The following HIVEP1 variants were observed in gnomAD, a reference collection of about 807,000 sequenced individuals.
The protein encoded by HIVEP1 is zinc finger protein 40.
HIVEP1 carries 36 observed loss-of-function variants against 180.0 expected under a neutral mutation model. The observed-to-expected ratio is 0.20, with a 90% confidence interval of 0.15 to 0.26. The LOEUF (loss-of-function observed/expected upper bound fraction) is 0.26, where lower values mean the gene tolerates loss of function less well. Ranked by LOEUF, HIVEP1 falls within the 10% of genes least tolerant of loss-of-function variation. The pLI is 1.00. For synonymous variants in HIVEP1, 1,239 were observed against 1,239.0 expected (o/e 1.00, Z 0.00); for missense variants, 3,143 against 3,268.7 (o/e 0.96, Z 0.94).
chr6:12,055,200 T>C (rs1770779988), intron 2 of HIVEP1, among the ~76,000 whole-genome samples: 1 of 152,228 alleles, frequency 6.6e-6, no homozygotes, highest in South Asian at 2.1e-4. Flanking sequence ...AATCATGATT[T>C]TCAGTGGCTC....
chr6:12,022,838 A>G (rs1229316466), intron 2 of HIVEP1, among the ~76,000 whole-genome samples: 2 of 152,206 alleles, frequency 1.3e-5, no homozygotes, highest in African/African-American at 4.8e-5. Context: ...CTGACTATTC[A>G]AAGGTTGGGA....
intron 2 of HIVEP1, among the ~76,000 whole-genome samples, chr6:12,058,920 G>T (rs746194763): frequency 6.6e-6 from 1 of 151,864 alleles, no homozygotes; most frequent in Admixed American, 6.6e-5. Flanking sequence ...TATGTGAGAC[G>T]CATAGACATA....
intron 2 of HIVEP1, among the ~76,000 whole-genome samples, chr6:12,077,606 G>A (rs1260798402): frequency 6.6e-6 from 1 of 152,236 alleles, no homozygotes; most frequent in Non-Finnish European, 1.5e-5. Context: ...TGCCAACACA[G>A]TGATGATAAG....
At chr6:12,020,890 CTTTTTTTTTT>C (rs70981658) in intron 2 of HIVEP1, among the ~76,000 whole-genome samples, 23 of 105,766 alleles carry the variant, frequency 2.2e-4, no homozygotes, top group African/African-American at 7.5e-4. Flanking sequence ...TTCTTTCTTT[CTTTTTTTTTT>C]TTTTTTTTGA....
Position 12,030,408 on chromosome 6 carries a change from A to G in HIVEP1, c.40+14740A>G, listed in dbSNP as rs921969946. On this transcript the variant is annotated intron_variant, in intron 2 of 8. Coordinates refer to ENST00000379388, the MANE Select transcript of HIVEP1 (RefSeq NM_002114.4). ...GTACCTTTCTTTTCTCTAATCACAC[A>G]TTTATTTTTATGTTTGTTGTTCCAC... 2.6e-5 allele frequency among the ~76,000 whole-genome samples: 4 copies of G among 151,996 alleles called. No homozygotes were observed. In the East Asian group the frequency reaches 7.7e-4, roughly 29 times the overall value.
intron 2 of HIVEP1, among the ~76,000 whole-genome samples, chr6:12,025,280 G>C (rs1581518950): frequency 6.6e-6 from 1 of 152,238 alleles, no homozygotes; most frequent in East Asian, 1.9e-4. Context: ...ACAGAGCTGA[G>C]GTTATTCAGG....
At chr6:12,065,816 A>C (rs1237214741) in intron 2 of HIVEP1, among the ~76,000 whole-genome samples, 1 of 152,144 alleles carries the variant, frequency 6.6e-6, no homozygotes, top group African/African-American at 2.4e-5. Context: ...TCTATGATGC[A>C]GTTAGCTTCT....
chr6:12,120,282 T>C lies in HIVEP1; in HGVS notation c.487T>C (p.Cys163Arg), dbSNP rs1775488982. 2 of 1,614,182 alleles carry C rather than the reference T, an allele frequency of 1.2e-6. No individual in the cohort carries two copies. Among genetic ancestry groups the C allele is most frequent in the Non-Finnish European group, 1.7e-6 (2 of 1,180,026 alleles). Residue 163 changes from cysteine to arginine, a missense_variant, in exon 4 of 9, where the codon TGT becomes CGT. Physicochemically the swap from Cys to Arg is radical, Grantham distance 180. Around this residue, in one of 12 missense-constraint regions of HIVEP1, gnomAD observed 306 missense variants for 310.6 expected, o/e 0.99. Coordinates refer to ENST00000379388, the MANE Select transcript of HIVEP1 (RefSeq NM_002114.4). ...PAKFSDLDEQ[C>R]DSSSLSSKTR... The stretch of plus-strand genomic sequence containing the variant: ...CAAATTCAGTGACCTCGATGAACAA[T>C]GTGACTCAAGTTCCTTGTCAAGTAA...
At chr6:12,072,085 C>CT (rs71830598) in intron 2 of HIVEP1, among the ~76,000 whole-genome samples, 31,577 of 146,646 alleles carry the variant, frequency 0.22, 3,893 homozygotes, top group Middle Eastern at 0.3. Context: ...TATTCTTCTT[C>CT]TTTTTTTTTT....
chr6:12,195,456 TA>T, the HIVEP1 span, among the ~76,000 whole-genome samples: 6 of 152,190 alleles, frequency 3.9e-5, no homozygotes, highest in Non-Finnish European at 7.3e-5. Flanking sequence ...TGTCAGCGGT[TA>T]AAAAAATTTT....
At chr6:12,024,018 A>G (rs2113613619) in intron 2 of HIVEP1, among the ~76,000 whole-genome samples, 1 of 152,284 alleles carries the variant, frequency 6.6e-6, no homozygotes, top group Non-Finnish European at 1.5e-5. Flanking sequence ...TTACTTTTTC[A>G]TGTACATATT....
intron 2 of HIVEP1, among the ~76,000 whole-genome samples, chr6:12,017,451 A>C (rs1453303122): frequency 1.3e-5 from 2 of 152,224 alleles, no homozygotes; most frequent in African/African-American, 2.4e-5. Context: ...GGCAGTACAG[A>C]CTCAAAGAGC....
In HIVEP1 at chr6:12,163,850, G is replaced by T. The variant is rs758903439; in HGVS notation, c.7546G>T (p.Ala2516Ser). 3 of 1,614,172 alleles carry T rather than the reference G, an allele frequency of 1.9e-6. No individual in the cohort carries two copies. Among genetic ancestry groups the T allele is most frequent in the Admixed American group, 1.7e-5 (1 of 60,006 alleles). ...MAPQVHPPGL[A>S]LNAVGLQVLT... The stretch of plus-strand genomic sequence containing the variant: ...CCCACAAGTCCATCCACCAGGACTG[G>T]CTCTGAATGCTGTCGGACTGCAGGT... Residue 2516 changes from alanine to serine, a missense_variant, in exon 9 of 9, where the codon GCT becomes TCT. Coordinates refer to ENST00000379388, the MANE Select transcript of HIVEP1 (RefSeq NM_002114.4).
Position 12,018,238 on chromosome 6 carries a change from G to A in HIVEP1, c.40+2570G>A, listed in dbSNP as rs151139279. 2.8e-3 allele frequency among the ~76,000 whole-genome samples: 420 copies of A among 152,346 alleles called. 3 individuals carry two copies. The highest frequency in any genetic ancestry group is 2.8e-3 in the Non-Finnish European group (190 of 68,030). ...ACTCTAGCTGGCCTACAAGCGCCAC[G>A]CGCGGCCCCCGTTCCTGCCCGCGCT... is the stretch of plus-strand genomic sequence containing the variant. On this transcript the variant is annotated intron_variant, in intron 2 of 8. Transcript: ENST00000379388.
intron 3 of HIVEP1, among the ~76,000 whole-genome samples, chr6:12,096,453 T>C (rs1271847651): frequency 2.0e-5 from 3 of 151,876 alleles, no homozygotes; most frequent in Admixed American, 6.6e-5. Flanking sequence ...AGTGGCTCCA[T>C]TGGATCATGA....
downstream of HIVEP1, among the ~76,000 whole-genome samples, chr6:12,168,157 A>C (rs1353412807): frequency 8.5e-6 from 1 of 116,986 alleles, no homozygotes; most frequent in Non-Finnish European, 1.7e-5. Flanking sequence ...ATATATACAG[A>C]TATACGTGTA....
At chr6:12,044,607 C>T (rs1770000661) in intron 2 of HIVEP1, among the ~76,000 whole-genome samples, 1 of 151,630 alleles carries the variant, frequency 6.6e-6, no homozygotes, top group Middle Eastern at 3.2e-3. Flanking sequence ...TGAGGGCTCA[C>T]TGTGCCCCCC....
chr6:12,125,907 C>A, intron 4 of HIVEP1, 37 bp downstream of exon 4: 1 of 1,311,586 alleles, frequency 7.6e-7, no homozygotes, highest in Non-Finnish European at 1.1e-6. Context: ...ATATGGTTTG[C>A]GCAAATTTGT....
At chr6:12,023,279 G>A (rs547755819) in intron 2 of HIVEP1, among the ~76,000 whole-genome samples, 61 of 151,930 alleles carry the variant, frequency 4.0e-4, no homozygotes, top group African/African-American at 1.4e-3. Flanking sequence ...AAAATCTTAC[G>A]TTTACTTGTT....
Sources: gnomAD v4.1 joint callset for allele counts (sites outside exome capture counted in the v4.1 genomes callset) on GRCh38, gnomAD v4.1.1 for gene constraint, gnomAD v4.1.1 regional missense constraint, MANE v1.5 for transcripts, NCBI Gene and HGNC (gene_info 2026-07-23, HGNC 2026-07-21) for gene names.